The following ALDH1A2 variants were observed in gnomAD, a reference collection of about 807,000 sequenced individuals.
ALDH1A2 encodes retinal dehydrogenase 2.
Under a neutral mutation model 60.3 loss-of-function variants are expected in ALDH1A2, and 27 were observed. The observed-to-expected ratio is 0.45, with a 90% CI of 0.33 to 0.62. ALDH1A2 has a LOEUF of 0.62. ALDH1A2 is among the 20% of genes least tolerant of loss of function. ALDH1A2 has a pLI of 0.02. For missense variants in ALDH1A2, 581 were observed against 643.8 expected, an observed-to-expected ratio of 0.90 and a Z score of 1.06; for synonymous variants, 289 against 232.4, an observed-to-expected ratio of 1.24 and a Z score of -2.21.
intron 1 of ALDH1A2, among the ~76,000 whole-genome samples, chr15:58,025,974 C>CA (rs1896068233): frequency 6.6e-6 from 1 of 152,196 alleles, no homozygotes; most frequent in African/African-American, 2.4e-5. Flanking sequence ...AAACACCTCC[C>CA]ACCAGGCTCC....
At chr15:58,044,577 T>C (rs1242767182) in intron 1 of ALDH1A2, among the ~76,000 whole-genome samples, 1 of 152,022 alleles carries the variant, frequency 6.6e-6, no homozygotes, top group Non-Finnish European at 1.5e-5. Flanking sequence ...ATATTCCTAA[T>C]GAAACACTAC....
chr15:57,999,906 C>T (rs1420917688), intron 4 of ALDH1A2, among the ~76,000 whole-genome samples: 2 of 151,954 alleles, frequency 1.3e-5, no homozygotes, highest in African/African-American at 2.4e-5. Context: ...GGATCATGAC[C>T]TTTGCAGGGA....
chr15:58,021,139 G>GT, intron 1 of ALDH1A2, among the ~76,000 whole-genome samples: 1 of 152,128 alleles, frequency 6.6e-6, no homozygotes, highest in South Asian at 2.1e-4. Context: ...ATGTGTCTCT[G>GT]TAAGTGACAT....
chr15:57,975,650 T>G (rs1362249233), intron 7 of ALDH1A2, among the ~76,000 whole-genome samples: 1 of 152,148 alleles, frequency 6.6e-6, no homozygotes, highest in East Asian at 1.9e-4. Flanking sequence ...GACTACTACT[T>G]GGCAATAAAA....
chr15:57,960,192 C>T (rs192722169), intron 12 of ALDH1A2, among the ~76,000 whole-genome samples: 4 of 152,248 alleles, frequency 2.6e-5, no homozygotes, highest in Non-Finnish European at 4.4e-5. Flanking sequence ...ATATTAAATG[C>T]CTTAAGGACC....
chr15:57,974,943 T>C (rs1383707476), intron 7 of ALDH1A2, among the ~76,000 whole-genome samples: 3 of 152,234 alleles, frequency 2.0e-5, no homozygotes, highest in Non-Finnish European at 4.4e-5. Context: ...CCAGAGAAGA[T>C]ATGCTGTGGC....
intron 1 of ALDH1A2, among the ~76,000 whole-genome samples, chr15:58,029,630 G>C (rs1278288271): frequency 4.1e-5 from 6 of 147,474 alleles, no homozygotes; most frequent in South Asian, 2.1e-4. Flanking sequence ...TTTTTGAAAA[G>C]ATCAACAAAA....
At chr15:57,986,935 G>A (rs1231727756) in intron 7 of ALDH1A2, among the ~76,000 whole-genome samples, 1 of 152,146 alleles carries the variant, frequency 6.6e-6, no homozygotes, top group African/African-American at 2.4e-5. Flanking sequence ...GATTCCAGGT[G>A]TGGGCCACCA....
At position 58,065,418 on chromosome 15, in the gene ALDH1A2, G is replaced by C. The variant is rs571467566; in HGVS notation, c.117+116C>G. On this transcript the variant is annotated intron_variant, in intron 1 of 12. Transcript: ENST00000249750. ...TCCCTCTGCTGCGCCGGGATGACAG[G>C]CTGGCCCCGACGACCCCGGCCCCGT... 5 of 917,150 alleles carry C rather than the reference G, an allele frequency of 5.5e-6. No individual in the cohort carries two copies. In the East Asian group the frequency reaches 1.2e-4, roughly 22 times the overall value. 56.8% of individuals were successfully genotyped at this position (917,150 alleles called of 1,614,324 possible). A position where few individuals can be genotyped will look rare whatever the true frequency, so the allele number is the denominator to read the frequency against.
chr15:57,974,568 G>A (rs1318731313), intron 7 of ALDH1A2, among the ~76,000 whole-genome samples: 2 of 151,252 alleles, frequency 1.3e-5, no homozygotes, highest in Admixed American at 6.6e-5. Context: ...AGGAACTATT[G>A]TCATTATCCA....
At chr15:58,022,748 A>G (rs1205370884) in intron 1 of ALDH1A2, among the ~76,000 whole-genome samples, 1 of 152,198 alleles carries the variant, frequency 6.6e-6, no homozygotes, top group African/African-American at 2.4e-5. Flanking sequence ...GATATCACTG[A>G]TGTTGTTTAC....
rs368906182 is a variant in ALDH1A2 at position 58,065,523 on chromosome 15, C to T, written c.117+11G>A. On this transcript the variant is annotated intron_variant, in intron 1 of 12. Coordinates refer to ENST00000249750, the MANE Select transcript of ALDH1A2 (RefSeq NM_003888.4). ...GTCTCCGTGGACGACGGGCGCTGGG[C>T]GGCCGCTTACCTTGGTGTACTTAAT... The T allele has an allele frequency of 5.6e-6, 9 of 1,604,438 alleles. No individual in the cohort carries two copies. The South Asian group carries it at 9.9e-5, about 18-fold the overall frequency.
intron 1 of ALDH1A2, among the ~76,000 whole-genome samples, chr15:58,023,874 C>G (rs1484112207): frequency 6.6e-6 from 1 of 152,066 alleles, no homozygotes; most frequent in Non-Finnish European, 1.5e-5. Context: ...GGTGGAGCAC[C>G]TGAGGTTGGG....
At chr15:58,036,981 T>C (rs995314212) in intron 1 of ALDH1A2, among the ~76,000 whole-genome samples, 1 of 151,708 alleles carries the variant, frequency 6.6e-6, no homozygotes, top group African/African-American at 2.4e-5. Context: ...TCTTTAACTT[T>C]AGCTCCTCTC....
At chr15:58,022,892 A>C (rs1346263475) in intron 1 of ALDH1A2, among the ~76,000 whole-genome samples, 8 of 152,246 alleles carry the variant, frequency 5.3e-5, no homozygotes, top group Non-Finnish European at 1.2e-4. Flanking sequence ...CAAAAATAGG[A>C]AGAACCAACT....
At chr15:58,046,153 T>A (rs139372661) in intron 1 of ALDH1A2, among the ~76,000 whole-genome samples, 2 of 152,032 alleles carry the variant, frequency 1.3e-5, no homozygotes, top group Non-Finnish European at 2.9e-5. Flanking sequence ...CACAAAGGAA[T>A]AGATATCTCA....
chr15:58,013,190 G>A (rs4646585), intron 3 of ALDH1A2, among the ~76,000 whole-genome samples: 4,732 of 152,258 alleles, frequency 0.031, 126 homozygotes, highest in South Asian at 0.11. Context: ...ATCCCCTCTG[G>A]TTCTGAAGGA....
chr15:57,987,169 TAA>T (rs1262746383), intron 7 of ALDH1A2, among the ~76,000 whole-genome samples: 14 of 150,910 alleles, frequency 9.3e-5, no homozygotes, highest in South Asian at 8.3e-4. Context: ...ATGCTGGAAA[TAA>T]AAGAGTCCCA....
intron 4 of ALDH1A2, among the ~76,000 whole-genome samples, chr15:58,000,991 G>A (rs1216136372): frequency 7.2e-6 from 1 of 138,124 alleles, no homozygotes; most frequent in African/African-American, 2.7e-5. Context: ...GGAGTATATA[G>A]TGTAGGAGAA....
Sources: gnomAD v4.1 joint callset for allele counts (sites outside exome capture counted in the v4.1 genomes callset) on GRCh38, gnomAD v4.1.1 for gene constraint, MANE v1.5 for transcripts, NCBI Gene and HGNC (gene_info 2026-07-23, HGNC 2026-07-21) for gene names.